FLT1: variants seen among roughly 807,000 people sequenced by gnomAD.
The protein encoded by FLT1 is fms related receptor tyrosine kinase 1.
In FLT1, 49 loss-of-function variants were observed where a neutral mutation model predicts 156.3. The observed-to-expected ratio is 0.31, with a 90% CI of 0.25 to 0.40. The LOEUF (loss-of-function observed/expected upper bound fraction) is 0.40. FLT1 is among the 10% of genes least tolerant of loss of function. FLT1 has a pLI of 1.00. For missense variants in FLT1, 1,322 were observed against 1,637.2 expected (o/e 0.81, Z 3.32); for synonymous variants, 594 against 583.8 (o/e 1.02, Z -0.25).
chr13:28,447,196 T>A (rs1337372284), intron 3 of FLT1, among the ~76,000 whole-genome samples: 1 of 145,554 alleles, frequency 6.9e-6, no homozygotes, highest in African/African-American at 2.5e-5. Flanking sequence ...ATTTTATATA[T>A]ATTTGCAAAA....
intron 15 of FLT1, among the ~76,000 whole-genome samples, chr13:28,348,267 C>T (rs1332259175): frequency 6.6e-6 from 1 of 152,188 alleles, no homozygotes; most frequent in Admixed American, 6.5e-5. Flanking sequence ...TGCCAAATCA[C>T]CAATTTAAAA....
intron 25 of FLT1, 74 bp from the exon 26 acceptor site, chr13:28,312,172 G>A: frequency 2.2e-6 from 2 of 917,312 alleles, no homozygotes; most frequent in Non-Finnish European, 3.6e-6. Context: ...GTACTACAAA[G>A]GGAGGGCTGT....
Position 28,381,742 on chromosome 13 carries a change from T to C in FLT1, c.2116+3143A>G, listed in dbSNP as rs1285081151. Among the ~76,000 whole-genome samples, 4 of 152,168 alleles carry C rather than the reference T, an allele frequency of 2.6e-5. No homozygotes were observed. In the East Asian group the frequency reaches 7.7e-4, roughly 29 times the overall value. On this transcript the variant is annotated intron_variant, in intron 14 of 29. Transcript: ENST00000282397. Reference sequence around the variant, plus strand: ...CATCTTAGGCAAATCACTTTACCTCTTTGAGCCTAAGTTTTCCATTCTACA... The same window carrying C: ...CATCTTAGGCAAATCACTTTACCTCCTTGAGCCTAAGTTTTCCATTCTACA...
chr13:28,476,267 C>A (rs946269124), intron 1 of FLT1, among the ~76,000 whole-genome samples: 5 of 152,142 alleles, frequency 3.3e-5, no homozygotes, highest in Non-Finnish European at 4.4e-5. Context: ...TTACATTTTT[C>A]ATTCAGCTTA....
intron 13 of FLT1, chr13:28,387,659 C>T (rs1419313902): frequency 1.9e-6 from 2 of 1,064,898 alleles, no homozygotes; most frequent in Middle Eastern, 4.1e-4. Flanking sequence ...CTCACACCCC[C>T]TGTTCCATTT....
At chr13:28,405,701 G>A in intron 11 of FLT1, 79 bp downstream of exon 11, 1 of 848,190 alleles carries the variant, frequency 1.2e-6, no homozygotes, top group Admixed American at 1.7e-5. Flanking sequence ...ATTACTTCTG[G>A]TGCCAATAAA....
chr13:28,383,129 A>T (rs1405093940), intron 14 of FLT1, among the ~76,000 whole-genome samples: 1 of 152,154 alleles, frequency 6.6e-6, no homozygotes, highest in Non-Finnish European at 1.5e-5. Context: ...TTTATGAAGC[A>T]GGCAATAGAC....
intron 28 of FLT1, 86 bp downstream of exon 28, chr13:28,308,754 AACT>A (rs1870857336): frequency 1.2e-5 from 10 of 836,610 alleles, no homozygotes; most frequent in Non-Finnish European, 1.9e-5. Flanking sequence ...ACTGACCAAG[AACT>A]ACTACATTAC....
intron 14 of FLT1, among the ~76,000 whole-genome samples, chr13:28,363,788 A>G (rs1873193498): frequency 6.6e-6 from 1 of 151,800 alleles, no homozygotes; most frequent in Admixed American, 6.6e-5. Context: ...TAATTTTTGT[A>G]TTTTTGTAGA....
chr13:28,412,170 C>A (rs559952636), intron 10 of FLT1, among the ~76,000 whole-genome samples: 1 of 152,208 alleles, frequency 6.6e-6, no homozygotes. Context: ...GGCGGCCATC[C>A]TGTAGCAGGG....
intron 6 of FLT1, among the ~76,000 whole-genome samples, chr13:28,432,116 T>C (rs376857690): frequency 4.6e-5 from 7 of 152,288 alleles, no homozygotes; most frequent in African/African-American, 1.2e-4. Flanking sequence ...GTCTCCTTTT[T>C]TTTTTAAGCA....
At chr13:28,316,910 A>T (rs1871234325) in intron 25 of FLT1, among the ~76,000 whole-genome samples, 1 of 152,152 alleles carries the variant, frequency 6.6e-6, no homozygotes, top group South Asian at 2.1e-4. Context: ...CATGTGAGCC[A>T]CTGCGCCCGG....
chr13:28,473,787 AAAGAAAG>A (rs1880361506), intron 1 of FLT1, among the ~76,000 whole-genome samples: 2 of 113,976 alleles, frequency 1.8e-5, no homozygotes, highest in Non-Finnish European at 3.7e-5. Context: ...GGAAAGAAAG[AAAGAAAG>A]AAAGAAAGAA....
chr13:28,357,868 C>CTTTTTTTTTTTTTTTTTT (rs57304530), intron 14 of FLT1, among the ~76,000 whole-genome samples, 183 bp from the exon 15 acceptor site: 15 of 104,726 alleles, frequency 1.4e-4, no homozygotes, highest in African/African-American at 4.1e-4. Flanking sequence ...CTTTTCTTTC[C>CTTTTTTTTTTTTTTTTTT]TTTTTTTTTT....
chr13:28,480,336 T>A (rs947124893), intron 1 of FLT1, among the ~76,000 whole-genome samples: 12 of 152,232 alleles, frequency 7.9e-5, no homozygotes, highest in Non-Finnish European at 1.5e-4. Flanking sequence ...CGAGGTTGCT[T>A]CCTTTACAGT....
At chr13:28,366,397 C>G (rs776226986) in intron 14 of FLT1, among the ~76,000 whole-genome samples, 1 of 152,072 alleles carries the variant, frequency 6.6e-6, no homozygotes. Context: ...ACTCTGCACA[C>G]GTGGTTCCCT....
At chr13:28,368,865 C>T (rs61950224) in intron 14 of FLT1, among the ~76,000 whole-genome samples, 68,999 of 151,560 alleles carry the variant, frequency 0.46, 16,772 homozygotes, top group East Asian at 0.61. Context: ...CCACCATACC[C>T]GGCTAATTTT....
Position 28,301,053 on chromosome 13 carries a change from T to C in FLT1, c.*2114A>G, listed in dbSNP as rs1480467845. On this transcript the variant is annotated 3_prime_UTR_variant, in exon 30 of 30. Transcript: ENST00000282397. ...AACAATTCTAATGGTTTTGCTTTTC[T>C]CTTGAAAAGGAGTATTTATTATGGT... is the stretch of plus-strand genomic sequence containing the variant. The C allele has an allele frequency of 3.0e-5, 7 of 232,708 alleles. No individual in the cohort carries two copies. The highest frequency in any genetic ancestry group is 5.1e-5 in the Non-Finnish European group (6 of 117,842). The allele number at this position is 232,708 out of a possible 1,614,324, so 14.4% of individuals were successfully genotyped here. A position where few individuals can be genotyped will look rare whatever the true frequency, so the allele number is the denominator to read the frequency against.
At chr13:28,461,971 CAGAAG>C (rs1328238340) in intron 3 of FLT1, among the ~76,000 whole-genome samples, 1 of 152,100 alleles carries the variant, frequency 6.6e-6, no homozygotes, top group Non-Finnish European at 1.5e-5. Context: ...TAAAGAGAAA[CAGAAG>C]AGAAGAGATG....
Sources: gnomAD v4.1 joint callset for allele counts (sites outside exome capture counted in the v4.1 genomes callset) on GRCh38, gnomAD v4.1.1 for gene constraint, MANE v1.5 for transcripts, NCBI Gene and HGNC (gene_info 2026-07-23, HGNC 2026-07-21) for gene names.